The following REV3L variants were observed in gnomAD, a reference collection of about 807,000 sequenced individuals.
REV3L encodes REV3 like, DNA directed polymerase zeta catalytic subunit.
A neutral mutation model predicts 299.4 loss-of-function variants in REV3L; 69 were observed. The ratio of observed to expected loss-of-function variants is 0.23; its 90% CI spans 0.19 to 0.28. The LOEUF (loss-of-function observed/expected upper bound fraction) is 0.28, where lower values mean the gene tolerates loss of function less well. Among genes scored for constraint, REV3L ranks in the 10% least tolerant of loss-of-function variants. The pLI is 1.00. For missense variants in REV3L, 3,128 were observed against 3,693.8 expected, an observed-to-expected ratio of 0.85 and a Z score of 3.97; for synonymous variants, 1,238 against 1,271.4, an observed-to-expected ratio of 0.97 and a Z score of 0.56.
At chr6:111,448,500 A>T (rs1167664019) in intron 1 of REV3L, among the ~76,000 whole-genome samples, 2 of 151,844 alleles carry the variant, frequency 1.3e-5, no homozygotes, top group Admixed American at 1.3e-4. Flanking sequence ...ACACCCAGCT[A>T]ATTTTTGTAG....
intron 31 of REV3L, among the ~76,000 whole-genome samples, chr6:111,304,730 T>C (rs1169733139): frequency 2.0e-5 from 3 of 151,922 alleles, no homozygotes. Flanking sequence ...AAATGTAGTA[T>C]CTGACAGGTG....
intron 26 of REV3L, among the ~76,000 whole-genome samples, chr6:111,316,746 GACAC>G (rs1214576595): frequency 6.6e-6 from 1 of 150,474 alleles, no homozygotes; most frequent in Non-Finnish European, 1.5e-5. Context: ...AACATAAAAA[GACAC>G]ACGGAAGAAA....
At chr6:111,329,813 CAT>C (rs1317882523) in intron 24 of REV3L, 75 bp from the exon 25 acceptor site, 4 of 1,131,024 alleles carry the variant, frequency 3.5e-6, no homozygotes, top group African/African-American at 3.1e-5. Context: ...AAGCATAAAA[CAT>C]AATAATGGCC....
intron 15 of REV3L, among the ~76,000 whole-genome samples, chr6:111,364,903 A>G (rs1779050036): frequency 6.6e-6 from 1 of 152,066 alleles, no homozygotes; most frequent in Non-Finnish European, 1.5e-5. Context: ...TAATAAACCA[A>G]GAAAAAGGAT....
rs34753575 is a variant in REV3L at position 111,395,884 on chromosome 6, G to GT, written c.566-2913dup. Among the ~76,000 whole-genome samples the GT allele has an allele frequency of 2.6e-3, 398 of 152,262 alleles. 2 individuals are homozygous for GT. The Middle Eastern group carries it at 0.027, about 10-fold the overall frequency. On this transcript the variant is annotated intron_variant, in intron 4 of 31. Coordinates refer to ENST00000368802, the MANE Select transcript of REV3L (RefSeq NM_001372078.1). Reference sequence around the variant, plus strand: ...TCCTTCTATGATTAACTTATCAAGAGTTTTTACCATGAAGGGACATTGAAT... The same window carrying GT: ...TCCTTCTATGATTAACTTATCAAGAGTTTTTTACCATGAAGGGACATTGAAT...
intron 1 of REV3L, among the ~76,000 whole-genome samples, chr6:111,423,725 G>C (rs1260366172): frequency 1.3e-5 from 2 of 152,180 alleles, no homozygotes; most frequent in African/African-American, 4.8e-5. Context: ...GATGTCAGTA[G>C]AGGTGGAGAA....
chr6:111,375,997 C>T lies in REV3L; in HGVS notation c.2358G>A (p.Lys786=), dbSNP rs1401844932. ...YEEFQEHKTE[K]PSLSQQAAHY... ...GTGCTGCTTGCTGGCTGAGGCTTGG[C>T]TTTTCTGTTTTATGTTCTTGAAATT... is the stretch of plus-strand genomic sequence containing the variant. Residue 786 remains lysine (K), a synonymous_variant, in exon 13 of 32, where the codon AAG becomes AAA. Transcript: ENST00000368802. The T allele has an allele frequency of 6.2e-7, 1 of 1,613,848 alleles. No individual in the cohort carries two copies. Among genetic ancestry groups the T allele is most frequent in the Non-Finnish European group, 8.5e-7 (1 of 1,179,878 alleles).
rs1782020517 is a variant in REV3L at position 111,392,368 on chromosome 6, A to T, written c.662+508T>A. Among the ~76,000 whole-genome samples, 3 of 152,234 alleles carry T rather than the reference A, an allele frequency of 2.0e-5. 1 individual carries two copies. The highest frequency in any genetic ancestry group is 7.2e-5 in the African/African-American group (3 of 41,474). On this transcript the variant is annotated intron_variant, in intron 5 of 31. Coordinates refer to ENST00000368802, the MANE Select transcript of REV3L (RefSeq NM_001372078.1). ...AGCAAATACATAGCTGCTTTGAAAT[A>T]GAGAAATCCAAGCATTTGGAATATA...
intron 3 of REV3L, among the ~76,000 whole-genome samples, chr6:111,409,555 C>A (rs1784029300): frequency 6.6e-6 from 1 of 152,078 alleles, no homozygotes; most frequent in Non-Finnish European, 1.5e-5. Flanking sequence ...TCTGACCATA[C>A]AAATCCCCTG....
chr6:111,449,528 C>T (rs1789257139), intron 1 of REV3L, among the ~76,000 whole-genome samples: 3 of 152,098 alleles, frequency 2.0e-5, no homozygotes, highest in Non-Finnish European at 4.4e-5. Flanking sequence ...AGGGAACAAT[C>T]CCAAGGGCTC....
At chr6:111,444,725 G>A (rs892969066) in intron 1 of REV3L, among the ~76,000 whole-genome samples, 8 of 152,088 alleles carry the variant, frequency 5.3e-5, no homozygotes, top group African/African-American at 9.7e-5. Context: ...AATGCCTAAC[G>A]GGTTAGTTGC....
Position 111,335,618 on chromosome 6 carries a change from A to T in REV3L, c.7539-8T>A. ...TGATCAACCATTTTCCATCTGTTAA[A>T]AAAGAATCCACATTATGAACATCAG... On this transcript the variant is annotated splice_polypyrimidine_tract_variant and splice_region_variant and intron_variant, in intron 21 of 31. Transcript: ENST00000368802. 1 of 1,604,056 alleles carries T rather than the reference A, an allele frequency of 6.2e-7. No individual in the cohort carries two copies. The highest frequency in any genetic ancestry group is 8.5e-7 in the Non-Finnish European group (1 of 1,176,322).
chr6:111,402,590 GA>G (rs1482319816), intron 4 of REV3L, among the ~76,000 whole-genome samples: 1 of 152,062 alleles, frequency 6.6e-6, no homozygotes, highest in Non-Finnish European at 1.5e-5. Context: ...GTTTTTAGCA[GA>G]AGGGCTGATC....
chr6:111,430,863 GAAC>G lies in REV3L; in HGVS notation c.140-14394_140-14392del, dbSNP rs563766293. On this transcript the variant is annotated intron_variant, in intron 1 of 31. Transcript: ENST00000368802. ...AAATTGGAAAGAAGAAAACCAGACG[GAAC>G]AACAATGTTGGGACTTCTCCATCCT... 751 of 1,605,232 alleles carry G rather than the reference GAAC, an allele frequency of 4.7e-4. 4 individuals are homozygous for G. The highest frequency in any genetic ancestry group is 1.8e-3 in the Middle Eastern group (8 of 4,426).
chr6:111,443,528 T>A (rs1223292871), intron 1 of REV3L, among the ~76,000 whole-genome samples: 2 of 152,214 alleles, frequency 1.3e-5, no homozygotes, highest in African/African-American at 4.8e-5. Flanking sequence ...TCAATCTGAT[T>A]GTTTTGAGCC....
At chr6:111,458,450 A>G (rs1305122567) in intron 1 of REV3L, among the ~76,000 whole-genome samples, 3 of 152,152 alleles carry the variant, frequency 2.0e-5, no homozygotes, top group African/African-American at 7.2e-5. Flanking sequence ...AGGCAAGAAA[A>G]AGAAATAAAA....
At chr6:111,321,594 C>T (rs1774198224) in intron 26 of REV3L, among the ~76,000 whole-genome samples, 1 of 152,168 alleles carries the variant, frequency 6.6e-6, no homozygotes, top group South Asian at 2.1e-4. Context: ...TAATTTGAAA[C>T]TATCCCCACC....
chr6:111,304,443 G>C (rs991931039), intron 31 of REV3L, among the ~76,000 whole-genome samples: 2 of 149,964 alleles, frequency 1.3e-5, no homozygotes, highest in African/African-American at 4.9e-5. Context: ...TCTCCTGTTT[G>C]GATGTGTTTC....
chr6:111,404,892 T>C (rs184330609), intron 4 of REV3L, among the ~76,000 whole-genome samples: 673 of 151,668 alleles, frequency 4.4e-3, no homozygotes, highest in South Asian at 0.013. Context: ...TGAGATAAAA[T>C]GGACAAGGAT....
Sources: gnomAD v4.1 joint callset for allele counts (sites outside exome capture counted in the v4.1 genomes callset) on GRCh38, gnomAD v4.1.1 for gene constraint, MANE v1.5 for transcripts, NCBI Gene and HGNC (gene_info 2026-07-23, HGNC 2026-07-21) for gene names.